Variants in RORA observed in about 807,000 individuals in gnomAD.
RORA encodes the protein RAR related orphan receptor A, also known as nuclear receptor ROR-alpha.
RORA carries 7 observed loss-of-function variants against 69.5 expected under a neutral mutation model. That is an observed-to-expected ratio of 0.10 (90% CI 0.06 to 0.19). The LOEUF is 0.19. RORA is among the 10% of genes least tolerant of loss of function. The probability of loss-of-function intolerance (pLI) is 1.00; values close to 1 mark genes in which losing one functional copy is unlikely to be tolerated. For missense variants in RORA, 457 were observed against 663.0 expected, an observed-to-expected ratio of 0.69 and a Z score of 3.41; for synonymous variants, 261 against 240.8, an observed-to-expected ratio of 1.08 and a Z score of -0.78.
intron 1 of RORA, among the ~76,000 whole-genome samples, chr15:61,004,853 CT>C (rs1196103476): frequency 1.3e-5 from 2 of 152,144 alleles, no homozygotes; most frequent in African/African-American, 4.8e-5. Context: ...ATGTGTTACA[CT>C]TTTTAAAACT....
intron 1 of RORA, among the ~76,000 whole-genome samples, chr15:61,045,655 C>G (rs1231609655): frequency 6.6e-6 from 1 of 152,086 alleles, no homozygotes; most frequent in African/African-American, 2.4e-5. Context: ...ACAGGTCAGA[C>G]AGTGCAGAGA....
At chr15:61,183,606 T>C (rs2079710148) in intron 1 of RORA, among the ~76,000 whole-genome samples, 1 of 152,128 alleles carries the variant, frequency 6.6e-6, no homozygotes, top group Non-Finnish European at 1.5e-5. Flanking sequence ...TTCCCTCCTT[T>C]CAAACCCTTG....
intron 1 of RORA, among the ~76,000 whole-genome samples, chr15:61,024,116 A>G (rs1245017980): frequency 1.3e-5 from 2 of 152,142 alleles, no homozygotes; most frequent in Non-Finnish European, 1.5e-5. Flanking sequence ...AGAGAGAGGT[A>G]GTAATTCAGT....
At chr15:60,653,153 G>A (rs1406516522) in intron 2 of RORA, among the ~76,000 whole-genome samples, 1 of 152,212 alleles carries the variant, frequency 6.6e-6, no homozygotes, top group Non-Finnish European at 1.5e-5. Context: ...TAGGGGGAAT[G>A]ACCTATGAGC....
At chr15:61,192,622 G>A (rs2079811064) in intron 1 of RORA, among the ~76,000 whole-genome samples, 1 of 152,228 alleles carries the variant, frequency 6.6e-6, no homozygotes, top group Non-Finnish European at 1.5e-5. Context: ...AAGCCAGTCA[G>A]GCAGTGAGTG....
chr15:60,564,563 G>T (rs2067662749), intron 2 of RORA, among the ~76,000 whole-genome samples: 1 of 152,044 alleles, frequency 6.6e-6, no homozygotes, highest in East Asian at 1.9e-4. Flanking sequence ...CTATTTTCCT[G>T]TGTTCTAAGT....
intron 1 of RORA, among the ~76,000 whole-genome samples, chr15:60,984,884 G>A (rs1949752): frequency 0.77 from 116,791 of 151,066 alleles, 45,557 homozygotes; most frequent in African/African-American, 0.88. Flanking sequence ...GGTCTGCAAT[G>A]AATTGGGAGG....
chr15:60,558,917 G>A (rs895905674), intron 2 of RORA, among the ~76,000 whole-genome samples: 3 of 152,134 alleles, frequency 2.0e-5, no homozygotes, highest in African/African-American at 7.2e-5. Context: ...GCATTTTAGT[G>A]TAGGCTTTAG....
At chr15:60,981,163 G>C (rs1272879371) in intron 1 of RORA, among the ~76,000 whole-genome samples, 1 of 151,292 alleles carries the variant, frequency 6.6e-6, no homozygotes, top group Admixed American at 6.6e-5. Flanking sequence ...TTTGTGATGA[G>C]AAATCAGTTG....
intron 1 of RORA, among the ~76,000 whole-genome samples, chr15:61,096,349 T>C (rs2078789975): frequency 6.6e-6 from 1 of 152,144 alleles, no homozygotes; most frequent in Non-Finnish European, 1.5e-5. Flanking sequence ...TCCAATGACA[T>C]TTTGTTCCTT....
chr15:60,743,265 T>C (rs1273491273), intron 1 of RORA, among the ~76,000 whole-genome samples: 1 of 152,134 alleles, frequency 6.6e-6, no homozygotes, highest in Admixed American at 6.5e-5. Context: ...TCCGACCGCC[T>C]CGGCCTCCTA....
At chr15:60,642,362 G>C (rs927361021) in intron 2 of RORA, among the ~76,000 whole-genome samples, 1 of 152,220 alleles carries the variant, frequency 6.6e-6, no homozygotes, top group African/African-American at 2.4e-5. Flanking sequence ...GGACAAATTT[G>C]GAACCGGTGA....
chr15:60,943,688 G>C (rs906367733), intron 1 of RORA, among the ~76,000 whole-genome samples: 3 of 151,852 alleles, frequency 2.0e-5, no homozygotes, highest in Non-Finnish European at 2.9e-5. Context: ...GGCTGAGGTG[G>C]GGGGATTGCC....
intron 1 of RORA, chr15:61,176,079 A>T (rs1228868244): frequency 1.3e-5 from 2 of 152,152 alleles, no homozygotes. Context: ...CTTTAACAAT[A>T]TGGAGTACAT....
intron 1 of RORA, among the ~76,000 whole-genome samples, chr15:60,779,354 G>C (rs1326294337): frequency 6.6e-6 from 1 of 152,156 alleles, no homozygotes; most frequent in Non-Finnish European, 1.5e-5. Flanking sequence ...ACCACAAGGA[G>C]TTCAGATCAA....
chr15:60,755,141 C>A (rs569654326), intron 1 of RORA, among the ~76,000 whole-genome samples: 93 of 126,614 alleles, frequency 7.3e-4, no homozygotes, highest in South Asian at 2.0e-3. Context: ...CCCCTCCCCC[C>A]ACCCCACAAC....
At position 60,597,597 on chromosome 15, in the gene RORA, C is replaced by CATATATATATATAT. The variant is rs1213736725; in HGVS notation, c.197-65760_197-65747dup. Among the ~76,000 whole-genome samples, 22 of 31,358 alleles carry CATATATATATATAT rather than the reference C, an allele frequency of 7.0e-4. 4 individuals carry two copies. The highest frequency in any genetic ancestry group is 2.4e-3 in the East Asian group (1 of 420). The allele number at this position is 31,358 out of a possible 152,430, so 20.6% of individuals were successfully genotyped here. Reference sequence around the variant, plus strand: ...ATACACATATATATATATATATACACATATATATATATATATATATACATA... The same window carrying CATATATATATATAT: ...ATACACATATATATATATATATACACATATATATATATATATATATATATATATATATATACATA... On this transcript the variant is annotated intron_variant, in intron 2 of 10. Coordinates refer to ENST00000335670, the MANE Select transcript of RORA (RefSeq NM_134261.3).
At chr15:60,877,580 C>G (rs188740072) in intron 1 of RORA, among the ~76,000 whole-genome samples, 2,503 of 152,188 alleles carry the variant, frequency 0.016, 62 homozygotes, top group African/African-American at 0.057. Context: ...TAGATGTTAT[C>G]ACTCTCATTG....
intron 1 of RORA, among the ~76,000 whole-genome samples, chr15:60,933,383 T>A (rs1297505695): frequency 6.6e-6 from 1 of 152,220 alleles, no homozygotes; most frequent in Non-Finnish European, 1.5e-5. Flanking sequence ...GCCCTTGCAG[T>A]GCCCTTTTCT....
Sources: allele counts gnomAD v4.1 joint callset (sites outside exome capture counted in the v4.1 genomes callset), GRCh38; gene constraint gnomAD v4.1.1; transcripts MANE v1.5; gene names NCBI Gene and HGNC (gene_info 2026-07-23, HGNC 2026-07-21).